MAP3K12: variants seen among roughly 807,000 people sequenced by gnomAD.
MAP3K12 encodes MAPK-upstream kinase.
MAP3K12 carries 14 observed loss-of-function variants against 87.5 expected under a neutral mutation model. That is an observed-to-expected ratio of 0.16 (90% CI 0.11 to 0.25). MAP3K12 has a LOEUF of 0.25. MAP3K12 is among the 10% of genes least tolerant of loss of function. The probability of loss-of-function intolerance (pLI) is 1.00; values close to 1 mark genes in which losing one functional copy is unlikely to be tolerated. For missense variants in MAP3K12, 802 were observed against 1,140.4 expected, an observed-to-expected ratio of 0.70 and a Z score of 4.27; for synonymous variants, 469 against 452.5, an observed-to-expected ratio of 1.04 and a Z score of -0.46.
chr12:53,500,479 A>T (rs1943659769), upstream of MAP3K12: 1 of 152,264 alleles, frequency 6.6e-6, no homozygotes. Context: ...TCGCCAGTTA[A>T]AGAGAGGTTC....
chr12:53,488,427 C>T (rs1427493073), intron 1 of MAP3K12, among the ~76,000 whole-genome samples: 5 of 152,052 alleles, frequency 3.3e-5, no homozygotes, highest in East Asian at 1.9e-4. Flanking sequence ...TTTCAGAGGC[C>T]GAGGCGGGCG....
chr12:53,499,383 C>T (rs1289283939), intron 1 of MAP3K12, 44 bp downstream of exon 1: 1 of 152,836 alleles, frequency 6.5e-6, no homozygotes, highest in Non-Finnish European at 1.5e-5. Context: ...GGACCCAGAC[C>T]CATCCCTGCC....
At chr12:53,482,421 C>T (rs779706908) in intron 11 of MAP3K12, 52 bp from the exon 12 acceptor site, 4 of 1,609,676 alleles carry the variant, frequency 2.5e-6, no homozygotes, top group South Asian at 1.1e-5. Context: ...AAAGAGGTCA[C>T]TAAGAATCCA....
At chr12:53,485,705 G>T in intron 4 of MAP3K12, 1 of 545,572 alleles carries the variant, frequency 1.8e-6, no homozygotes, top group Non-Finnish European at 3.2e-6. Flanking sequence ...ACGGGCACTC[G>T]CCACCACGCC....
Position 53,482,316 on chromosome 12 carries a change from C to T in MAP3K12, c.2292G>A (p.Glu764=), listed in dbSNP as rs756194201. The T allele has an allele frequency of 4.3e-5, 69 of 1,614,052 alleles. No homozygotes were observed. Among genetic ancestry groups the T allele is most frequent in the Non-Finnish European group, 5.8e-5 (69 of 1,180,038 alleles). ...EEEGEVDSEV[E]LTSSQRWPQS... ...TCACTTACCTCTGGCTTGATGTCAG[C>T]TCTACTTCACTGTCTACCTCTCCTT... The change falls in exon 12 of 14, where the codon GAG becomes GAA. Residue 764 remains glutamate (E), a synonymous_variant. Coordinates refer to ENST00000547488, the MANE Select transcript of MAP3K12 (RefSeq NM_001193511.2).
At chr12:53,498,147 A>G (rs982125522) in intron 1 of MAP3K12, among the ~76,000 whole-genome samples, 2 of 152,152 alleles carry the variant, frequency 1.3e-5, no homozygotes, top group Non-Finnish European at 2.9e-5. Context: ...TTGAGGGGAC[A>G]CACTTTTTTT....
rs552265316 is a variant in MAP3K12, at chr12:53,487,513, G to C, written c.-37-85C>G. The stretch of plus-strand genomic sequence containing the variant: ...ACACTTATCCCAGAGGCACAGACTG[G>C]GGTGCTGGGTTCACAGTAGCCCCGC... On this transcript the variant is annotated intron_variant, in intron 1 of 13. Transcript: ENST00000547488. 3.2e-4 allele frequency: 451 copies of C among 1,388,740 alleles called. No homozygotes were observed. The African/African-American group carries it at 6.0e-3, about 19-fold the overall frequency. The allele number at this position is 1,388,740 out of a possible 1,614,324, so 86.0% of individuals were successfully genotyped here.
At chr12:53,483,326 G>C in intron 10 of MAP3K12, 23 bp downstream of exon 10, 1 of 1,610,738 alleles carries the variant, frequency 6.2e-7, no homozygotes, top group Non-Finnish European at 8.5e-7. Context: ...TGCCATATTG[G>C]AACCACAGTA....
Position 53,486,719 on chromosome 12 carries a change from G to T in MAP3K12, c.446-97C>A, listed in dbSNP as rs943710645. On this transcript the variant is annotated intron_variant, in intron 2 of 13. Coordinates refer to ENST00000547488, the MANE Select transcript of MAP3K12 (RefSeq NM_001193511.2). The surrounding 1 kb of genome is among the most constrained non-coding windows in gnomAD (Gnocchi z 4.9). ...GGGTTGGCTGAATTGACTTAAGGAG[G>T]GTGAGGCAGAAAGCCAAAAATAGGC... 2 of 1,456,654 alleles carry T rather than the reference G, an allele frequency of 1.4e-6. No homozygotes were observed. Among genetic ancestry groups the T allele is most frequent in the Non-Finnish European group, 1.8e-6 (2 of 1,109,424 alleles). The allele number at this position is 1,456,654 out of a possible 1,614,324, so 90.2% of individuals were successfully genotyped here.
Position 53,483,413 on chromosome 12 carries a change from T to C in MAP3K12, c.1549A>G (p.Asn517Asp). ...TTCTTGATAAGCTTCTCCATTGTGTTTCCATGCAGGAGGCCCCGGGAAGGG... is the reference window on the plus strand; with the variant it reads ...TTCTTGATAAGCTTCTCCATTGTGTCTCCATGCAGGAGGCCCCGGGAAGGG... ...PHPSRGLLHG[N>D]TMEKLIKKRN... is the part of the protein sequence containing the mutation. Residue 517 changes from asparagine (N) to aspartate (D), a missense_variant, in exon 10 of 14, where the codon AAC (asparagine) becomes GAC (aspartate). This residue lies in a region of MAP3K12 where 490 missense variants were observed against 496.6 expected (regional missense o/e 0.99). Transcript: ENST00000547488. 6.2e-7 allele frequency: 1 copy of C among 1,614,100 alleles called. No homozygotes were observed. The highest frequency in any genetic ancestry group is 8.5e-7 in the Non-Finnish European group (1 of 1,180,002).
intron 1 of MAP3K12, among the ~76,000 whole-genome samples, chr12:53,494,969 C>T (rs1426444223): frequency 6.6e-6 from 1 of 152,068 alleles, no homozygotes; most frequent in Non-Finnish European, 1.5e-5. Context: ...CAGCCTCAAC[C>T]TCCTGGGCTC....
At position 53,483,129 on chromosome 12, in the gene MAP3K12, C is replaced by T. The variant is rs370778122; in HGVS notation, c.1674G>A (p.Val558=). The part of the protein sequence containing the change: ...LPKLDAALSG[V]GLPGCPKGPP... ...GGCCCTTAGGACACCCAGGAAGCCC[C>T]ACCCCACTCAGGGCTGCATCTAGTT... The change falls in exon 11 of 14, where the codon GTG becomes GTA. Residue 558 remains valine, a synonymous_variant. Transcript: ENST00000547488. The T allele has an allele frequency of 5.9e-6, 9 of 1,520,826 alleles. No homozygotes were observed. In the African/African-American group the frequency reaches 1.1e-4, roughly 19 times the overall value. The allele number at this position is 1,520,826 out of a possible 1,614,324, so 94.2% of individuals were successfully genotyped here.
At position 53,483,056 on chromosome 12, in the gene MAP3K12, C is replaced by A; in HGVS notation, c.1747G>T (p.Ala583Ser). ...SRRGKTRHRKASAKGSCGDLP... is the reference protein window; with the variant it reads ...SRRGKTRHRKSSAKGSCGDLP... ...TCCCCACAGCTCCCCTTGGCGCTGGCCTTGCGGTGACGGGTCTTGCCACGG... is the reference window on the plus strand; with the variant it reads ...TCCCCACAGCTCCCCTTGGCGCTGGACTTGCGGTGACGGGTCTTGCCACGG... Residue 583 changes from alanine to serine, a missense_variant, in exon 11 of 14, where the codon GCC becomes TCC. Ala to Ser is a moderately conservative substitution (Grantham distance 99). This residue lies in a region of MAP3K12 where 490 missense variants were observed against 496.6 expected (regional missense o/e 0.99). Transcript: ENST00000547488. 1 of 1,546,676 alleles carries A rather than the reference C, an allele frequency of 6.5e-7. No individual in the cohort carries two copies. Among genetic ancestry groups the A allele is most frequent in the Non-Finnish European group, 8.7e-7 (1 of 1,147,974 alleles).
rs1259584757 is a variant in MAP3K12 at position 53,483,180 on chromosome 12, G to A, written c.1623C>T (p.Ile541=). 4 of 1,524,874 alleles carry A rather than the reference G, an allele frequency of 2.6e-6. 1 individual carries two copies. The East Asian group carries it at 6.8e-5, about 26-fold the overall frequency. The allele number at this position is 1,524,874 out of a possible 1,614,324, so 94.5% of individuals were successfully genotyped here. The change falls in exon 11 of 14, where the codon ATC becomes ATT. Residue 541 remains isoleucine, a synonymous_variant. Coordinates refer to ENST00000547488, the MANE Select transcript of MAP3K12 (RefSeq NM_001193511.2). ...KLSPHSKRPD[I]LKTESLLPKL... is the part of the protein sequence containing the mutation. ...TAGGGAGCAAAGACTCCGTCTTGAG[G>A]ATATCTGGCCTGGAAGAAGAGGAAA...
intron 1 of MAP3K12, among the ~76,000 whole-genome samples, chr12:53,494,201 G>A (rs1385173074): frequency 6.6e-6 from 1 of 152,218 alleles, no homozygotes. Flanking sequence ...CCTGGGGGAG[G>A]GTAGCTGTCT....
chr12:53,492,583 A>C (rs923685237), intron 1 of MAP3K12, among the ~76,000 whole-genome samples: 5 of 152,138 alleles, frequency 3.3e-5, no homozygotes, highest in Non-Finnish European at 7.4e-5. Flanking sequence ...AAATCACACT[A>C]AAGTTCAGCT....
At chr12:53,483,863 A>T in intron 8 of MAP3K12, 48 bp downstream of exon 8, 3 of 1,611,030 alleles carry the variant, frequency 1.9e-6, no homozygotes, top group Non-Finnish European at 2.5e-6. Flanking sequence ...GACTGGGTGC[A>T]TAGTCCTTGC....
intron 1 of MAP3K12, among the ~76,000 whole-genome samples, chr12:53,493,227 G>T (rs1218073984): frequency 1.3e-5 from 2 of 152,140 alleles, no homozygotes; most frequent in East Asian, 3.9e-4. Flanking sequence ...GGGCGGGGCT[G>T]TGCCTGGGCC....
In MAP3K12 at chr12:53,481,237, A is replaced by G. The variant is rs1011596391; in HGVS notation, c.2624T>C (p.Leu875Ser). 1 of 1,567,316 alleles carries G rather than the reference A, an allele frequency of 6.4e-7. No individual in the cohort carries two copies. The highest frequency in any genetic ancestry group is 1.4e-5 in the African/African-American group (1 of 72,096). ...GGCATCAACGCTGTTGGAGTTGTCC[A>G]ATTCAGTGCTGTCACAGTCTGAGTC... ...SEDSDCDSTELDNSNSVDALR... is the reference protein window; with the variant it reads ...SEDSDCDSTESDNSNSVDALR... Residue 875 changes from leucine to serine, a missense_variant, in exon 14 of 14, where the codon TTG becomes TCG. Leu to Ser is a moderately radical substitution (Grantham distance 145, BLOSUM62 -2). Coordinates refer to ENST00000547488, the MANE Select transcript of MAP3K12 (RefSeq NM_001193511.2).
Sources: allele counts gnomAD v4.1 joint callset (sites outside exome capture counted in the v4.1 genomes callset), GRCh38; gene constraint gnomAD v4.1.1; regional missense constraint gnomAD v4.1.1; non-coding constraint Gnocchi (gnomAD v3.1); transcripts MANE v1.5; gene names NCBI Gene and HGNC (gene_info 2026-07-23, HGNC 2026-07-21).